The following ACOT1 variants were observed in gnomAD, a reference collection of about 807,000 sequenced individuals.
ACOT1 encodes the protein acyl-CoA thioesterase 1.
Under a neutral mutation model 15.7 loss-of-function variants are expected in ACOT1, and 8 were observed. That is an observed-to-expected ratio of 0.51 (90% CI 0.30 to 0.92). The LOEUF (loss-of-function observed/expected upper bound fraction) is 0.92, where lower values mean the gene tolerates loss of function less well. ACOT1 is among the 40% of genes least tolerant of loss of function. The probability of loss-of-function intolerance (pLI) is 0.06; values close to 1 mark genes in which losing one functional copy is unlikely to be tolerated. For missense variants in ACOT1, 151 were observed against 539.4 expected (o/e 0.28, Z 7.13); for synonymous variants, 67 against 241.2 (o/e 0.28, Z 6.69).
chr14:73,521,412 G>A, the ACOT1 span, among the ~76,000 whole-genome samples: 181 of 152,318 alleles, frequency 1.2e-3, no homozygotes, highest in African/African-American at 4.1e-3. Flanking sequence ...TATTCTGTGT[G>A]TGGTTATTTA....
At chr14:73,500,030 C>G in the ACOT1 span, among the ~76,000 whole-genome samples, 5 of 152,312 alleles carry the variant, frequency 3.3e-5, no homozygotes, top group East Asian at 9.7e-4. Context: ...GACATCGAGA[C>G]CATCCTGGCT....
At chr14:73,535,474 T>C (rs1888832058), upstream of ACOT1, among the ~76,000 whole-genome samples, 1 of 10,904 alleles carries the variant, frequency 9.2e-5, no homozygotes, top group Non-Finnish European at 1.5e-4. Context: ...TCTTTCTTTT[T>C]TTTTTTTTTT....
chr14:73,523,491 C>A, the ACOT1 span, among the ~76,000 whole-genome samples: 1 of 152,212 alleles, frequency 6.6e-6, no homozygotes, highest in Non-Finnish European at 1.5e-5. Flanking sequence ...GTATCCCATG[C>A]TTCCAGTTTG....
At chr14:73,509,866 ATATTTATT>A in the ACOT1 span, among the ~76,000 whole-genome samples, 56 of 67,496 alleles carry the variant, frequency 8.3e-4, 5 homozygotes, top group Non-Finnish European at 1.3e-3. Flanking sequence ...ATATATATAT[ATATTTATT>A]TATTTTATAT....
the ACOT1 span, chr14:73,523,082 C>G: frequency 5.0e-6 from 8 of 1,612,848 alleles, no homozygotes; most frequent in Middle Eastern, 1.6e-4. Flanking sequence ...CATGCCCCAT[C>G]CCAGTCGTGG....
the ACOT1 span, chr14:73,493,214 G>C: frequency 2.8e-6 from 3 of 1,053,670 alleles, no homozygotes; most frequent in East Asian, 4.7e-5. Flanking sequence ...TCACCTTCAG[G>C]CTTCAGTGTA....
At chr14:73,515,332 C>T in the ACOT1 span, among the ~76,000 whole-genome samples, 2 of 152,130 alleles carry the variant, frequency 1.3e-5, no homozygotes, top group Admixed American at 6.6e-5. Context: ...TGCTCTGAAT[C>T]AATTCTTTCC....
chr14:73,496,697 C>T, the ACOT1 span: 37 of 1,364,224 alleles, frequency 2.7e-5, no homozygotes, highest in South Asian at 2.9e-4. Context: ...ATAAGAAGGG[C>T]TTCTTAGATT....
the ACOT1 span, among the ~76,000 whole-genome samples, chr14:73,510,362 A>G: frequency 6.6e-6 from 1 of 152,010 alleles, no homozygotes; most frequent in African/African-American, 2.4e-5. Context: ...CCAGAAGAAT[A>G]TGGGACAGGA....
At chr14:73,521,936 A>G in the ACOT1 span, among the ~76,000 whole-genome samples, 1 of 152,212 alleles carries the variant, frequency 6.6e-6, no homozygotes, top group African/African-American at 2.4e-5. Context: ...CCAGCTGGGA[A>G]TGACTTTGTT....
the ACOT1 span, chr14:73,500,706 G>A: frequency 6.2e-7 from 1 of 1,613,966 alleles, no homozygotes. Flanking sequence ...CACGCTCCTG[G>A]GAATTTCCTT....
the ACOT1 span, chr14:73,512,092 T>G: frequency 1.2e-6 from 2 of 1,614,190 alleles, no homozygotes; most frequent in Non-Finnish European, 1.7e-6. Context: ...AACGTCATCA[T>G]GCAGGTCTCC....
chr14:73,524,700 C>T, the ACOT1 span, among the ~76,000 whole-genome samples: 5 of 150,680 alleles, frequency 3.3e-5, no homozygotes, highest in African/African-American at 1.2e-4. Flanking sequence ...ACTTAACCTC[C>T]GTGCCACACT....
At chr14:73,493,115 A>G in the ACOT1 span, 1 of 1,613,112 alleles carries the variant, frequency 6.2e-7, no homozygotes, top group East Asian at 2.2e-5. Flanking sequence ...TCTAGGAAGA[A>G]CCATCTCATC....
At chr14:73,500,523 A>G in the ACOT1 span, 1 of 1,605,390 alleles carries the variant, frequency 6.2e-7, no homozygotes, top group Non-Finnish European at 8.5e-7. Flanking sequence ...CAATCAGGTA[A>G]GATGAGAATA....
the ACOT1 span, among the ~76,000 whole-genome samples, chr14:73,501,525 T>G: frequency 8.6e-5 from 13 of 151,258 alleles, no homozygotes; most frequent in African/African-American, 2.9e-4. Context: ...TAGCTGGGAT[T>G]ATAGGCACTT....
At chr14:73,518,554 T>A in the ACOT1 span, among the ~76,000 whole-genome samples, 1 of 152,210 alleles carries the variant, frequency 6.6e-6, no homozygotes, top group South Asian at 2.1e-4. Context: ...AGCTAATTTC[T>A]TGGTCACCTT....
At chr14:73,512,900 T>C in the ACOT1 span, among the ~76,000 whole-genome samples, 1 of 152,234 alleles carries the variant, frequency 6.6e-6, no homozygotes, top group African/African-American at 2.4e-5. Flanking sequence ...TTGTCTATCA[T>C]GTTCTGAAAG....
the ACOT1 span, chr14:73,509,411 T>C: frequency 6.2e-7 from 1 of 1,614,086 alleles, no homozygotes; most frequent in Non-Finnish European, 8.5e-7. Flanking sequence ...TGGGCATTCT[T>C]GTCACAAAGA....
Sources: gnomAD v4.1 joint callset for allele counts (sites outside exome capture counted in the v4.1 genomes callset) on GRCh38, gnomAD v4.1.1 for gene constraint, MANE v1.5 for transcripts, NCBI Gene and HGNC (gene_info 2026-07-23, HGNC 2026-07-21) for gene names.